SH3RF3: variants seen among roughly 807,000 people sequenced by gnomAD.
SH3RF3 encodes the protein E3 ubiquitin-protein ligase SH3RF3.
Under a neutral mutation model 66.3 loss-of-function variants are expected in SH3RF3, and 29 were observed. The ratio of observed to expected loss-of-function variants is 0.44; its 90% CI spans 0.33 to 0.60. The LOEUF is 0.60. Among genes scored for constraint, SH3RF3 ranks in the 20% least tolerant of loss-of-function variants. The probability of loss-of-function intolerance (pLI) is 0.04; values close to 1 mark genes in which losing one functional copy is unlikely to be tolerated. For synonymous variants in SH3RF3, 583 were observed against 532.0 expected, an observed-to-expected ratio of 1.10 and a Z score of -1.32; for missense variants, 1,194 against 1,190.9, an observed-to-expected ratio of 1.00 and a Z score of -0.04.
intron 8 of SH3RF3, among the ~76,000 whole-genome samples, chr2:109,468,880 A>G (rs1030938930): frequency 1.4e-5 from 2 of 145,714 alleles, no homozygotes; most frequent in East Asian, 3.9e-4. Flanking sequence ...AAAAAAAGTT[A>G]AATTCAGAGC....
chr2:109,451,331 G>C (rs1573262525), intron 8 of SH3RF3, among the ~76,000 whole-genome samples: 1 of 152,132 alleles, frequency 6.6e-6, no homozygotes, highest in East Asian at 1.9e-4. Context: ...GGGAGAGGTG[G>C]GATTCACAGT....
At chr2:109,285,292 A>C (rs987759840) in intron 1 of SH3RF3, among the ~76,000 whole-genome samples, 11 of 152,306 alleles carry the variant, frequency 7.2e-5, no homozygotes, top group African/African-American at 2.6e-4. Flanking sequence ...ACACCTCCTC[A>C]TAACCTCCTG....
rs79717912 is a variant in SH3RF3 at position 109,329,111 on chromosome 2, C to T, written c.574-18563C>T. On this transcript the variant is annotated intron_variant, in intron 1 of 9. Transcript: ENST00000309415. ...TTATCTCTTCCTTTTCTTACTCTTTCATCTCCAAATGTTCCCCTCTCTCCT... is the reference window on the plus strand; with the variant it reads ...TTATCTCTTCCTTTTCTTACTCTTTTATCTCCAAATGTTCCCCTCTCTCCT... 8.3e-3 allele frequency among the ~76,000 whole-genome samples: 1,271 copies of T among 152,270 alleles called. 15 individuals carry two copies. Among genetic ancestry groups the T allele is most frequent in the East Asian group, 0.044 (229 of 5,178 alleles).
intron 1 of SH3RF3, among the ~76,000 whole-genome samples, chr2:109,312,075 G>C (rs1228402182): frequency 6.6e-6 from 1 of 152,302 alleles, no homozygotes; most frequent in African/African-American, 2.4e-5. Flanking sequence ...GAACCTTGGT[G>C]TATGTGTTTT....
At chr2:109,477,336 GA>G (rs1678709443) in intron 8 of SH3RF3, among the ~76,000 whole-genome samples, 1 of 152,088 alleles carries the variant, frequency 6.6e-6, no homozygotes, top group African/African-American at 2.4e-5. Flanking sequence ...TGCCCTCCAT[GA>G]AAAAAGTGAC....
intron 4 of SH3RF3, among the ~76,000 whole-genome samples, chr2:109,407,697 C>A (rs3922817): frequency 0.38 from 58,278 of 152,032 alleles, 12,002 homozygotes; most frequent in Middle Eastern, 0.48. Flanking sequence ...AATTTAATTA[C>A]ATGCCTTATA....
chr2:109,237,814 A>G (rs1411086061), intron 1 of SH3RF3, among the ~76,000 whole-genome samples: 1 of 152,244 alleles, frequency 6.6e-6, no homozygotes, highest in Non-Finnish European at 1.5e-5. Flanking sequence ...TACTTTCTAC[A>G]CAAAGTTTCC....
At chr2:109,131,301 G>A (rs1676687317) in intron 1 of SH3RF3, among the ~76,000 whole-genome samples, 1 of 152,098 alleles carries the variant, frequency 6.6e-6, no homozygotes, top group Non-Finnish European at 1.5e-5. Flanking sequence ...GATAGTCACT[G>A]GGGGTCACTT....
intron 1 of SH3RF3, among the ~76,000 whole-genome samples, chr2:109,270,377 T>C (rs1680595964): frequency 6.6e-6 from 1 of 152,152 alleles, no homozygotes; most frequent in Non-Finnish European, 1.5e-5. Flanking sequence ...ATAGGCAGGC[T>C]CATAGAGTGG....
chr2:109,358,214 A>G (rs950186536), intron 2 of SH3RF3, among the ~76,000 whole-genome samples: 1 of 152,190 alleles, frequency 6.6e-6, no homozygotes, highest in Non-Finnish European at 1.5e-5. Context: ...ATGTCTTTTC[A>G]TAGCTTAATA....
chr2:109,241,164 C>T (rs79265894), intron 1 of SH3RF3, among the ~76,000 whole-genome samples: 5,892 of 152,138 alleles, frequency 0.039, 167 homozygotes, highest in Middle Eastern at 0.12. Context: ...AAGAAGAGAG[C>T]GAAATAAGTT....
chr2:109,438,109 T>C (rs1431287969), intron 7 of SH3RF3, among the ~76,000 whole-genome samples: 2 of 152,214 alleles, frequency 1.3e-5, no homozygotes, highest in Non-Finnish European at 2.9e-5. Context: ...CCATTAGAAG[T>C]GTCCAGAAAG....
chr2:109,380,179 ATAGG>A (rs772888276), intron 3 of SH3RF3, among the ~76,000 whole-genome samples: 3 of 152,178 alleles, frequency 2.0e-5, no homozygotes, highest in Non-Finnish European at 4.4e-5. Context: ...TCCAGCAAAA[ATAGG>A]TAGGTGCCTA....
At chr2:109,404,954 G>T (rs373729206) in intron 4 of SH3RF3, among the ~76,000 whole-genome samples, 1 of 151,716 alleles carries the variant, frequency 6.6e-6, no homozygotes, top group African/African-American at 2.4e-5. Context: ...GTGGAGCCCC[G>T]TCCTGGCCCC....
At chr2:109,243,129 A>G (rs1864473) in intron 1 of SH3RF3, among the ~76,000 whole-genome samples, 1,626 of 152,336 alleles carry the variant, frequency 0.011, 35 homozygotes, top group African/African-American at 0.037. Context: ...CAGGCAGACA[A>G]TTGGGAGCAG....
intron 2 of SH3RF3, among the ~76,000 whole-genome samples, chr2:109,354,980 A>G (rs1268142119): frequency 2.0e-5 from 3 of 152,250 alleles, no homozygotes; most frequent in Non-Finnish European, 4.4e-5. Flanking sequence ...GCTCAGGCTT[A>G]CACTTAGGAA....
chr2:109,365,465 A>T (rs1683137008), intron 2 of SH3RF3, among the ~76,000 whole-genome samples: 1 of 152,180 alleles, frequency 6.6e-6, no homozygotes, highest in Non-Finnish European at 1.5e-5. Context: ...CTGTGACCTC[A>T]GTTCTCTTAC....
chr2:109,298,119 T>A (rs1210852239), intron 1 of SH3RF3, among the ~76,000 whole-genome samples: 1 of 151,784 alleles, frequency 6.6e-6, no homozygotes, highest in Non-Finnish European at 1.5e-5. Flanking sequence ...GATGCAGAGG[T>A]GAATAGGGCA....
At chr2:109,301,329 G>C (rs1344233116) in intron 1 of SH3RF3, among the ~76,000 whole-genome samples, 2 of 99,552 alleles carry the variant, frequency 2.0e-5, no homozygotes, top group Non-Finnish European at 3.6e-5. Flanking sequence ...CTGTGTATCT[G>C]TGTGACGTGT....
Sources: allele counts gnomAD v4.1 joint callset (sites outside exome capture counted in the v4.1 genomes callset), GRCh38; gene constraint gnomAD v4.1.1; transcripts MANE v1.5; gene names NCBI Gene and HGNC (gene_info 2026-07-23, HGNC 2026-07-21).